Variants in CDKL5 observed in about 807,000 individuals in gnomAD.
CDKL5 encodes the protein cyclin-dependent kinase-like 5.
Under a neutral mutation model 61.7 loss-of-function variants are expected in CDKL5, and 8 were observed. That is an observed-to-expected ratio of 0.13 (90% CI 0.08 to 0.23). The LOEUF is 0.23. Among genes scored for constraint, CDKL5 ranks in the 10% least tolerant of loss-of-function variants. The probability of loss-of-function intolerance (pLI) is 1.00; values close to 1 mark genes in which losing one functional copy is unlikely to be tolerated. For missense variants in CDKL5, 440 were observed against 734.5 expected, an observed-to-expected ratio of 0.60 and a Z score of 4.63; for synonymous variants, 275 against 272.3, an observed-to-expected ratio of 1.01 and a Z score of -0.10.
At chrX:18,616,968 C>T (rs1764237956) in intron 15 of CDKL5, among the ~76,000 whole-genome samples, 1 of 111,257 alleles carries the variant, frequency 9.0e-6, no homozygotes, top group South Asian at 3.8e-4. Context: ...CATTCCCTAG[C>T]TGTCAAACCT....
chrX:18,464,511 C>G (rs377202932), intron 1 of CDKL5, among the ~76,000 whole-genome samples: 6 of 112,000 alleles, frequency 5.4e-5, no homozygotes, highest in South Asian at 3.7e-4. Context: ...TAAGGATATT[C>G]AGCTTCTGTC....
intron 3 of CDKL5, among the ~76,000 whole-genome samples, chrX:18,556,869 C>G (rs1379955216): frequency 3.9e-5 from 2 of 51,336 alleles, no homozygotes; most frequent in Non-Finnish European, 6.4e-5. Flanking sequence ...GGAAACAGAG[C>G]AAGACTCCGT....
At chrX:18,457,359 A>G (rs919266340) in intron 1 of CDKL5, 3 of 111,704 alleles carry the variant, frequency 2.7e-5, no homozygotes, top group Non-Finnish European at 3.8e-5. Context: ...AACAGATCCA[A>G]TTCCTTGTTC....
intron 1 of CDKL5, among the ~76,000 whole-genome samples, chrX:18,450,355 A>C (rs1355486709): frequency 6.2e-5 from 7 of 112,099 alleles, no homozygotes; most frequent in African/African-American, 2.3e-4. Context: ...TACTTGGTAC[A>C]TAATAGGCAG....
intron 16 of CDKL5, 32 bp from the exon 17 acceptor site, chrX:18,625,096 C>T (rs1926997797): frequency 8.4e-7 from 1 of 1,192,240 alleles, no homozygotes; most frequent in South Asian, 1.8e-5. Context: ...TCTCAGTGTG[C>T]TTATTGAATG....
At chrX:18,611,807 A>G (rs1419524424) in intron 14 of CDKL5, among the ~76,000 whole-genome samples, 1 of 112,150 alleles carries the variant, frequency 8.9e-6, no homozygotes, top group East Asian at 2.8e-4. Flanking sequence ...TAGAAGGAAA[A>G]TATTTAACTA....
At chrX:18,575,237 A>C in intron 4 of CDKL5, 117 bp from the exon 5 acceptor site, 1 of 596,050 alleles carries the variant, frequency 1.7e-6, no homozygotes, top group Non-Finnish European at 2.8e-6. Flanking sequence ...TGTACTTCTT[A>C]TGCAGAAGTA....
chrX:18,523,962 ATTAG>A (rs1430660641), intron 3 of CDKL5, among the ~76,000 whole-genome samples: 1 of 111,846 alleles, frequency 8.9e-6, no homozygotes, highest in East Asian at 2.8e-4. Context: ...GAATTCGTTT[ATTAG>A]TTCTAATATT....
chrX:18,427,576 C>T (rs1237037988), intron 1 of CDKL5, among the ~76,000 whole-genome samples: 1 of 110,897 alleles, frequency 9.0e-6, no homozygotes, highest in Admixed American at 9.8e-5. Flanking sequence ...TATCAAATCT[C>T]TTTGAATTGT....
At chrX:18,444,285 G>A (rs758509745) in intron 1 of CDKL5, among the ~76,000 whole-genome samples, 5 of 110,412 alleles carry the variant, frequency 4.5e-5, no homozygotes, top group South Asian at 3.7e-4. Flanking sequence ...CACATCCTTC[G>A]TGTTGTTTAA....
At chrX:18,458,680 C>T (rs1047197664) in intron 1 of CDKL5, among the ~76,000 whole-genome samples, 3 of 109,848 alleles carry the variant, frequency 2.7e-5, no homozygotes, top group Admixed American at 9.7e-5. Context: ...ATTATTGCAC[C>T]GCTGCATTCC....
chrX:18,426,973 T>C (rs1327092802), intron 1 of CDKL5: 1 of 112,001 alleles, frequency 8.9e-6, no homozygotes, highest in East Asian at 2.8e-4. Flanking sequence ...TGTTTTAAAA[T>C]GTTTTGTTCA....
chrX:18,598,248 C>CA lies in CDKL5; in HGVS notation c.826-208dup, dbSNP rs772135485. On this transcript the variant is annotated intron_variant, in intron 10 of 17. Coordinates refer to ENST00000623535, the MANE Select transcript of CDKL5 (RefSeq NM_001323289.2). ...AAAGAAAATATGTATATAGGATATT[C>CA]AAAAAAGGGCTGGGATCATATATAC... is the stretch of plus-strand genomic sequence containing the variant. Among the ~76,000 whole-genome samples, 18 of 107,942 alleles carry CA rather than the reference C, an allele frequency of 1.7e-4. No individual in the cohort carries two copies. The South Asian group carries it at 4.7e-3, about 28-fold the overall frequency. The allele number at this position is 107,942 out of a possible 115,157, so 93.7% of individuals were successfully genotyped here.
At chrX:18,486,635 C>T in intron 1 of CDKL5, among the ~76,000 whole-genome samples, 1 of 111,861 alleles carries the variant, frequency 8.9e-6, no homozygotes, top group Non-Finnish European at 1.9e-5. Context: ...TATTAAAGTA[C>T]TGAAGTTTCC....
At chrX:18,486,966 A>AG (rs995937989) in intron 1 of CDKL5, among the ~76,000 whole-genome samples, 1 of 111,265 alleles carries the variant, frequency 9.0e-6, no homozygotes, top group Non-Finnish European at 1.9e-5. Flanking sequence ...AAAAAAAAAA[A>AG]TCTCTAAATA....
At chrX:18,489,199 A>G (rs910147593) in intron 1 of CDKL5, among the ~76,000 whole-genome samples, 7 of 110,323 alleles carry the variant, frequency 6.3e-5, no homozygotes, top group Non-Finnish European at 1.3e-4. Context: ...GCTCACTGCA[A>G]CCTCCGCCTC....
At position 18,555,272 on chromosome X, in the gene CDKL5, A is replaced by AC. The variant is rs79257027; in HGVS notation, c.100-9199dup. ...CAGATGTCTTGGGGGGAGCACAGTC[A>AC]CCCCCCAAGGGAGAACTATTGAACT... On this transcript the variant is annotated intron_variant, in intron 3 of 17. Transcript: ENST00000623535. Among the ~76,000 whole-genome samples the AC allele has an allele frequency of 3.7e-3, 405 of 110,300 alleles. 7 individuals carry two copies. The East Asian group carries it at 0.071, about 19-fold the overall frequency.
Position 18,637,246 on chromosome X carries a change from G to A in CDKL5, c.*8489G>A, listed in dbSNP as rs1927417265. On this transcript the variant is annotated 3_prime_UTR_variant, in exon 18 of 18. Transcript: ENST00000623535. ...TCTCTACTAAAAATACAAAAATTGG[G>A]TGTGGTGGTACATGCCTGTAATCCC... is the stretch of plus-strand genomic sequence containing the variant. 1 of 110,940 alleles carries A rather than the reference G, an allele frequency of 9.0e-6. No homozygotes were observed. Among genetic ancestry groups the A allele is most frequent in the Admixed American group, 9.6e-5 (1 of 10,428 alleles). The allele number at this position is 110,940 out of a possible 1,213,427, so 9.1% of individuals were successfully genotyped here.
chrX:18,504,932 CAAAA>C (rs1287470678), intron 1 of CDKL5, among the ~76,000 whole-genome samples: 2 of 41,232 alleles, frequency 4.9e-5, no homozygotes, highest in Non-Finnish European at 4.8e-5. Flanking sequence ...AACTCCGTCT[CAAAA>C]AAAAAAAAAA....
Sources: gnomAD v4.1 joint callset for allele counts (sites outside exome capture counted in the v4.1 genomes callset) on GRCh38, gnomAD v4.1.1 for gene constraint, MANE v1.5 for transcripts, NCBI Gene and HGNC (gene_info 2026-07-23, HGNC 2026-07-21) for gene names.